MYO9B: variants seen among roughly 807,000 people sequenced by gnomAD.
MYO9B encodes unconventional myosin-IXb.
A neutral mutation model predicts 229.5 loss-of-function variants in MYO9B; 71 were observed. The ratio of observed to expected loss-of-function variants is 0.31; its 90% CI spans 0.26 to 0.38. MYO9B has a LOEUF of 0.38. Ranked by LOEUF, MYO9B falls within the 10% of genes least tolerant of loss-of-function variation. The pLI is 1.00. For synonymous variants in MYO9B, 1,185 were observed against 1,235.8 expected, an observed-to-expected ratio of 0.96 and a Z score of 0.86; for missense variants, 2,255 against 2,920.5, an observed-to-expected ratio of 0.77 and a Z score of 5.25.
chr19:17,207,018 A>G lies in MYO9B; in HGVS notation c.5493-95A>G, dbSNP rs187824512. On this transcript the variant is annotated intron_variant, in intron 34 of 39. Coordinates refer to ENST00000682292, the MANE Select transcript of MYO9B (RefSeq NM_004145.4). Reference sequence around the variant, plus strand: ...GCTGGGCTGTGGCACTGCTTTCCCAACAGCCACCCCAGGGCTCAGAAGTTC... The same window carrying G: ...GCTGGGCTGTGGCACTGCTTTCCCAGCAGCCACCCCAGGGCTCAGAAGTTC... The G allele has an allele frequency of 5.6e-3, 8,498 of 1,505,414 alleles. 46 individuals carry two copies. The highest frequency in any genetic ancestry group is 0.02 in the Middle Eastern group (85 of 4,348). The allele number at this position is 1,505,414 out of a possible 1,614,324, so 93.3% of individuals were successfully genotyped here.
intron 1 of MYO9B, among the ~76,000 whole-genome samples, chr19:17,093,465 T>C (rs1371502354): frequency 1.3e-5 from 2 of 152,106 alleles, no homozygotes; most frequent in Admixed American, 6.5e-5. Flanking sequence ...CATGATTAAC[T>C]CTCGTGGCGT....
intron 14 of MYO9B, among the ~76,000 whole-genome samples, chr19:17,180,341 A>AT (rs776734202): frequency 0.036 from 3,154 of 87,784 alleles, 155 homozygotes; most frequent in East Asian, 0.056. Context: ...GATGGAAATA[A>AT]TTTTTTTTTT....
At position 17,184,871 on chromosome 19, in the gene MYO9B, C is replaced by G. The variant is rs1220884408; in HGVS notation, c.2380C>G (p.Leu794Val). The G allele has an allele frequency of 5.0e-6, 8 of 1,613,862 alleles. No individual in the cohort carries two copies. Among genetic ancestry groups the G allele is most frequent in the Non-Finnish European group, 5.9e-6 (7 of 1,179,808 alleles). ...CCCCATGTGTCTGTCCTAGAACCTACTGGACTCCAAGTCCCTGAAACTCAT... is the reference window on the plus strand; with the variant it reads ...CCCCATGTGTCTGTCCTAGAACCTAGTGGACTCCAAGTCCCTGAAACTCAT... ...KQKQIIPKNL[L>V]DSKSLKLIIS... The change falls in exon 17 of 40, where the codon CTG becomes GTG. Residue 794 changes from leucine (L) to valine (V), a missense_variant. By Grantham distance (32) the Leu-to-Val change is conservative. Coordinates refer to ENST00000682292, the MANE Select transcript of MYO9B (RefSeq NM_004145.4).
At position 17,194,921 on chromosome 19, in the gene MYO9B, A is replaced by G. The variant is rs757152837; in HGVS notation, c.3494A>G (p.His1165Arg). 2.5e-6 allele frequency: 4 copies of G among 1,613,456 alleles called. No individual in the cohort carries two copies. The highest frequency in any genetic ancestry group is 3.4e-6 in the Non-Finnish European group (4 of 1,179,880). Reference sequence around the variant, plus strand: ...GAGCACGTCAAGTTCCAGAACAAACACATCCAGTCCTGCAAGGAGGAGAGT... The same window carrying G: ...GAGCACGTCAAGTTCCAGAACAAACGCATCCAGTCCTGCAAGGAGGAGAGT... ...GLEHVKFQNK[H>R]IQSCKEESAL... The change falls in exon 22 of 40, where the codon CAC (histidine) becomes CGC (arginine). Residue 1165 changes from histidine to arginine, a missense_variant. This residue lies in a region of MYO9B where 679 missense variants were observed against 770.2 expected (regional missense o/e 0.88). Transcript: ENST00000682292.
At chr19:17,208,454 C>T (rs1330079521) in intron 35 of MYO9B, among the ~76,000 whole-genome samples, 10 of 149,112 alleles carry the variant, frequency 6.7e-5, no homozygotes, top group Admixed American at 2.0e-4. Context: ...CTTTTTGAGA[C>T]GGAGTCTCAC....
intron 7 of MYO9B, among the ~76,000 whole-genome samples, chr19:17,158,520 A>C (rs2072561451): frequency 6.6e-6 from 1 of 151,980 alleles, no homozygotes; most frequent in African/African-American, 2.4e-5. Flanking sequence ...ACTTGAACCC[A>C]GGAGGCAGAG....
At chr19:17,201,046 C>T (rs1020533466) in intron 26 of MYO9B, among the ~76,000 whole-genome samples, 58 of 152,308 alleles carry the variant, frequency 3.8e-4, no homozygotes, top group Admixed American at 2.1e-3. Context: ...CAAAACCAGC[C>T]TGGGCAACAG....
chr19:17,152,750 T>TCTA, intron 4 of MYO9B, 44 bp downstream of exon 4: 1 of 1,532,448 alleles, frequency 6.5e-7, no homozygotes, highest in Non-Finnish European at 9.0e-7. Context: ...CCACGCCATG[T>TCTA]CTACGTTTCC....
At chr19:17,200,958 G>T in intron 26 of MYO9B, 129 bp downstream of exon 26, 1 of 1,079,160 alleles carries the variant, frequency 9.3e-7, no homozygotes, top group South Asian at 1.5e-5. Flanking sequence ...CCAGGCTCAG[G>T]CCGGGGACAG....
At chr19:17,138,717 C>CGTCATTGG (rs1568269349) in intron 2 of MYO9B, among the ~76,000 whole-genome samples, 1 of 152,128 alleles carries the variant, frequency 6.6e-6, no homozygotes, top group Non-Finnish European at 1.5e-5. Flanking sequence ...GGGAGAAATG[C>CGTCATTGG]GTCATTGGGT....
chr19:17,147,655 C>A (rs1002288545), intron 3 of MYO9B, among the ~76,000 whole-genome samples: 6 of 149,488 alleles, frequency 4.0e-5, no homozygotes. Context: ...AGCCACTGCG[C>A]CCAGACACTA....
intron 2 of MYO9B, among the ~76,000 whole-genome samples, chr19:17,106,484 C>T (rs1425049564): frequency 1.3e-5 from 2 of 152,186 alleles, no homozygotes; most frequent in Non-Finnish European, 2.9e-5. Flanking sequence ...CTCCCGAGGC[C>T]GCCCTGGCGT....
intron 14 of MYO9B, among the ~76,000 whole-genome samples, chr19:17,179,488 G>A (rs925478523): frequency 4.0e-4 from 57 of 144,256 alleles, no homozygotes; most frequent in Non-Finnish European, 7.5e-4. Flanking sequence ...GTGCAGTGGT[G>A]CGATCTCGGC....
intron 2 of MYO9B, among the ~76,000 whole-genome samples, chr19:17,114,737 G>T (rs544736720): frequency 6.2e-4 from 94 of 152,050 alleles, no homozygotes; most frequent in Non-Finnish European, 1.2e-3. Context: ...GTCCTCCTGG[G>T]GTGACTTCTT....
At chr19:17,107,972 A>C (rs879781347) in intron 2 of MYO9B, among the ~76,000 whole-genome samples, 44 of 152,108 alleles carry the variant, frequency 2.9e-4, no homozygotes, top group Admixed American at 1.4e-3. Flanking sequence ...TTCAAGTCCT[A>C]CCTGGCCCCT....
At position 17,152,717 on chromosome 19, in the gene MYO9B, G is replaced by A. The variant is rs775055916; in HGVS notation, c.998+11G>A. The A allele has an allele frequency of 1.4e-5, 23 of 1,607,938 alleles. No individual in the cohort carries two copies. The South Asian group carries it at 2.2e-4, about 15-fold the overall frequency. ...GGAGAAGGATGAGAGGTAGGAGAAT[G>A]TTTTCCCAGGAATCTCTGAATGCCA... is the stretch of plus-strand genomic sequence containing the variant. On this transcript the variant is annotated intron_variant, in intron 4 of 39. Transcript: ENST00000682292.
In MYO9B at chr19:17,192,826, G is replaced by A; in HGVS notation, c.2892G>A (p.Gln964=). The A allele has an allele frequency of 6.4e-7, 1 of 1,555,192 alleles. No homozygotes were observed. The highest frequency in any genetic ancestry group is 1.2e-5 in the South Asian group (1 of 84,238). The stretch of plus-strand genomic sequence containing the variant: ...TGGTGCGGAAAATCCTGCTGCTGCA[G>A]AGCTGGTTCCGGATGGTGCTGGAGC... ...REVVRKILLL[Q]SWFRMVLERR... The change falls in exon 21 of 40, where the codon CAG becomes CAA. Residue 964 remains glutamine, a synonymous_variant. Coordinates refer to ENST00000682292, the MANE Select transcript of MYO9B (RefSeq NM_004145.4).
intron 2 of MYO9B, among the ~76,000 whole-genome samples, chr19:17,105,797 A>G (rs1352380288): frequency 1.3e-5 from 2 of 152,086 alleles, no homozygotes; most frequent in Non-Finnish European, 2.9e-5. Context: ...GTCATCAGTA[A>G]GACATTAATT....
At chr19:17,095,526 G>A (rs1417137750) in intron 1 of MYO9B, 1 of 152,202 alleles carries the variant, frequency 6.6e-6, no homozygotes, top group Non-Finnish European at 1.5e-5. Flanking sequence ...GTAGCACGGA[G>A]CAGTGGTTCC....
Sources: gnomAD v4.1 joint callset for allele counts (sites outside exome capture counted in the v4.1 genomes callset) on GRCh38, gnomAD v4.1.1 for gene constraint, gnomAD v4.1.1 regional missense constraint, MANE v1.5 for transcripts, NCBI Gene and HGNC (gene_info 2026-07-23, HGNC 2026-07-21) for gene names.